ZNF292: variants seen among roughly 807,000 people sequenced by gnomAD.
ZNF292 encodes the protein 16 zinc-finger domain protein.
Under a neutral mutation model 217.9 loss-of-function variants are expected in ZNF292, and 26 were observed. The ratio of observed to expected loss-of-function variants is 0.12; its 90% CI spans 0.09 to 0.17. The LOEUF is 0.17. Ranked by LOEUF, ZNF292 falls within the 10% of genes least tolerant of loss-of-function variation. The probability of loss-of-function intolerance (pLI) is 1.00; values close to 1 mark genes in which losing one functional copy is unlikely to be tolerated. For missense variants in ZNF292, 2,904 were observed against 3,175.2 expected (o/e 0.91, Z 2.05); for synonymous variants, 1,257 against 1,124.1 (o/e 1.12, Z -2.37).
chr6:87,171,641 C>T (rs1359615798), intron 1 of ZNF292, among the ~76,000 whole-genome samples: 1 of 152,116 alleles, frequency 6.6e-6, no homozygotes, highest in Admixed American at 6.6e-5. Context: ...GTTGTAATTT[C>T]ACCAACATAA....
chr6:87,193,585 C>A (rs1771877934), intron 1 of ZNF292, among the ~76,000 whole-genome samples: 2 of 151,936 alleles, frequency 1.3e-5, no homozygotes, highest in African/African-American at 4.8e-5. Flanking sequence ...TATTCAGTGT[C>A]CCCAAGGGAA....
intron 1 of ZNF292, 73 bp from the exon 2 acceptor site, chr6:87,215,830 A>G: frequency 7.9e-7 from 1 of 1,267,318 alleles, no homozygotes. Flanking sequence ...ATTTTTCAGG[A>G]AAAAACAGCT....
chr6:87,254,562 A>T, intron 7 of ZNF292, 88 bp from the exon 8 acceptor site: 1 of 1,321,674 alleles, frequency 7.6e-7, no homozygotes, highest in South Asian at 1.4e-5. Flanking sequence ...ATTTGAGTAA[A>T]ACAAATCTCA....
intron 1 of ZNF292, among the ~76,000 whole-genome samples, chr6:87,157,229 A>G (rs145835366): frequency 6.1e-4 from 93 of 152,332 alleles, no homozygotes; most frequent in African/African-American, 2.2e-3. Context: ...AGGATGTGCA[A>G]TGTGAAAGCT....
In ZNF292 at chr6:87,255,726, T is replaced by C; in HGVS notation, c.2097T>C (p.Ile699=). The C allele has an allele frequency of 6.2e-7, 1 of 1,613,360 alleles. No homozygotes were observed. The highest frequency in any genetic ancestry group is 8.5e-7 in the Non-Finnish European group (1 of 1,179,686). Residue 699 remains isoleucine (I), a synonymous_variant, in exon 8 of 8, where the codon ATT becomes ATC. Coordinates refer to ENST00000369577, the MANE Select transcript of ZNF292 (RefSeq NM_015021.3). The part of the protein sequence containing the change: ...KKGFKYFKNL[I]AHVKGHKDNE... ...GCTTTAAGTACTTTAAAAATTTAATTGCTCATGTGAAGGGGCATAAAGATA... is the reference window on the plus strand; with the variant it reads ...GCTTTAAGTACTTTAAAAATTTAATCGCTCATGTGAAGGGGCATAAAGATA...
chr6:87,236,427 C>T (rs1773910397), intron 5 of ZNF292, among the ~76,000 whole-genome samples: 1 of 150,460 alleles, frequency 6.6e-6, no homozygotes, highest in South Asian at 2.1e-4. Flanking sequence ...GAAATAGCAG[C>T]TAGCCTTGGT....
chr6:87,228,776 A>C (rs1207827217), intron 4 of ZNF292, among the ~76,000 whole-genome samples: 2 of 152,248 alleles, frequency 1.3e-5, no homozygotes, highest in East Asian at 1.9e-4. Flanking sequence ...TTTCTATTGC[A>C]TTGGTCCACA....
At position 87,257,269 on chromosome 6, in the gene ZNF292, A is replaced by G. The variant is rs1188189537; in HGVS notation, c.3640A>G (p.Asn1214Asp). The change falls in exon 8 of 8, where the codon AAT becomes GAT. Residue 1214 changes from asparagine (N) to aspartate (D), a missense_variant. Asn to Asp is a conservative substitution (Grantham distance 23, BLOSUM62 1). Around this residue, in one of 15 missense-constraint regions of ZNF292, gnomAD observed 687 missense variants for 623.0 expected, o/e 1.10. Coordinates refer to ENST00000369577, the MANE Select transcript of ZNF292 (RefSeq NM_015021.3). ...CTCAATGGAAAGTGTCATAAATCCAAATATAACTTCTCAGGATAAAAATGA... is the reference window on the plus strand; with the variant it reads ...CTCAATGGAAAGTGTCATAAATCCAGATATAACTTCTCAGGATAAAAATGA... ...LSSMESVINP[N>D]ITSQDKNEQG... is the part of the protein sequence containing the mutation. The G allele has an allele frequency of 1.2e-6, 2 of 1,613,594 alleles. No individual in the cohort carries two copies. The highest frequency in any genetic ancestry group is 1.7e-6 in the Non-Finnish European group (2 of 1,179,820).
chr6:87,159,907 A>G (rs1239631869), intron 1 of ZNF292, among the ~76,000 whole-genome samples: 2 of 152,220 alleles, frequency 1.3e-5, no homozygotes, highest in Admixed American at 6.5e-5. Context: ...CTTAAAATTG[A>G]CTTAGAATAA....
chr6:87,251,398 AG>A (rs1774913204), intron 7 of ZNF292, among the ~76,000 whole-genome samples: 1 of 152,228 alleles, frequency 6.6e-6, no homozygotes, highest in Non-Finnish European at 1.5e-5. Flanking sequence ...CTTTAGGTCA[AG>A]GATACTAGGC....
intron 5 of ZNF292, among the ~76,000 whole-genome samples, chr6:87,240,825 T>C (rs1266594353): frequency 6.6e-6 from 1 of 152,236 alleles, no homozygotes; most frequent in African/African-American, 2.4e-5. Context: ...AGTAAAAATC[T>C]GTATTTAGCA....
chr6:87,189,649 TG>T (rs1436059231), intron 1 of ZNF292, among the ~76,000 whole-genome samples: 3 of 151,662 alleles, frequency 2.0e-5, no homozygotes, highest in Non-Finnish European at 4.4e-5. Context: ...TTTTACAGGG[TG>T]GGGGGAAGAA....
intron 5 of ZNF292, among the ~76,000 whole-genome samples, chr6:87,237,924 C>T (rs536260334): frequency 6.6e-6 from 1 of 152,286 alleles, no homozygotes; most frequent in Admixed American, 6.5e-5. Context: ...CTATGTTTCA[C>T]TTTTCATGAT....
intron 1 of ZNF292, among the ~76,000 whole-genome samples, chr6:87,209,459 G>C (rs1477635861): frequency 6.6e-6 from 1 of 152,144 alleles, no homozygotes; most frequent in Non-Finnish European, 1.5e-5. Flanking sequence ...TAACTTAGAA[G>C]TTTTAAAGAG....
At position 87,254,683 on chromosome 6, in the gene ZNF292, C is replaced by T. The variant is rs778959730; in HGVS notation, c.1054C>T (p.Leu352=). 2.5e-6 allele frequency: 4 copies of T among 1,613,648 alleles called. No homozygotes were observed. Among genetic ancestry groups the T allele is most frequent in the Non-Finnish European group, 2.5e-6 (3 of 1,179,680 alleles). The change falls in exon 8 of 8, where the codon CTG becomes TTG. Residue 352 remains leucine (L), a synonymous_variant. Coordinates refer to ENST00000369577, the MANE Select transcript of ZNF292 (RefSeq NM_015021.3). The stretch of plus-strand genomic sequence containing the variant: ...GGCTGGACTTGCTACCTGTATAGAA[C>T]TGTGTGTAAAGGCTCTTCGCTTGGA... ...EGAGLATCIE[L]CVKALRLEST...
intron 6 of ZNF292, among the ~76,000 whole-genome samples, chr6:87,244,960 G>T (rs973402969): frequency 2.0e-5 from 3 of 152,088 alleles, no homozygotes; most frequent in Non-Finnish European, 4.4e-5. Flanking sequence ...TTAAATGCTG[G>T]CCGGGCACAG....
intron 1 of ZNF292, among the ~76,000 whole-genome samples, chr6:87,212,782 A>G (rs1451111396): frequency 6.6e-6 from 1 of 152,234 alleles, no homozygotes; most frequent in Non-Finnish European, 1.5e-5. Context: ...CAAAATCACC[A>G]TGCAAGAGAA....
Position 87,260,654 on chromosome 6 carries a change from A to C in ZNF292, c.7025A>C (p.Glu2342Ala), listed in dbSNP as rs763030288. 35 of 1,612,410 alleles carry C rather than the reference A, an allele frequency of 2.2e-5. No homozygotes were observed. Among genetic ancestry groups the C allele is most frequent in the Non-Finnish European group, 2.9e-5 (34 of 1,179,486 alleles). The change falls in exon 8 of 8, where the codon GAA becomes GCA. Residue 2342 changes from glutamate (E) to alanine (A), a missense_variant. By Grantham distance (107) the Glu-to-Ala change is moderately radical (BLOSUM62 -1). Around this residue, in one of 15 missense-constraint regions of ZNF292, gnomAD observed 101 missense variants for 89.5 expected, o/e 1.13. Coordinates refer to ENST00000369577, the MANE Select transcript of ZNF292 (RefSeq NM_015021.3). The stretch of plus-strand genomic sequence containing the variant: ...AAACGAAAGAAAAAAAATAATTTAG[A>C]AAACAAGAATGCAAAGATTGTGCAG... ...KTKRKKKNNLENKNAKIVQIE... is the reference protein window; with the variant it reads ...KTKRKKKNNLANKNAKIVQIE...
intron 4 of ZNF292, among the ~76,000 whole-genome samples, chr6:87,226,962 GTGCCACCA>G (rs1773389108): frequency 6.6e-6 from 1 of 152,078 alleles, no homozygotes; most frequent in Admixed American, 6.6e-5. Context: ...TTACAAACGT[GTGCCACCA>G]TGCCTGGCTT....
Sources: gnomAD v4.1 joint callset for allele counts (sites outside exome capture counted in the v4.1 genomes callset) on GRCh38, gnomAD v4.1.1 for gene constraint, gnomAD v4.1.1 regional missense constraint, MANE v1.5 for transcripts, NCBI Gene and HGNC (gene_info 2026-07-23, HGNC 2026-07-21) for gene names.